Variants in KSR2 observed in about 807,000 individuals in gnomAD.
The protein encoded by KSR2 is kinase suppressor of ras 2.
KSR2 carries 25 observed loss-of-function variants against 107.8 expected under a neutral mutation model. That is an observed-to-expected ratio of 0.23 (90% confidence interval 0.17 to 0.32). The LOEUF (loss-of-function observed/expected upper bound fraction) is 0.32. KSR2 is among the 10% of genes least tolerant of loss of function. The probability of loss-of-function intolerance (pLI) is 1.00; values close to 1 mark genes in which losing one functional copy is unlikely to be tolerated. For missense variants in KSR2, 887 were observed against 1,268.9 expected (o/e 0.70, Z 4.57); for synonymous variants, 480 against 507.0 (o/e 0.95, Z 0.71).
intron 5 of KSR2, among the ~76,000 whole-genome samples, chr12:117,638,917 A>G (rs1883229932): frequency 6.6e-6 from 1 of 151,342 alleles, no homozygotes; most frequent in African/African-American, 2.4e-5. Context: ...AAAAATCAAA[A>G]TGAATGCCCC....
At chr12:117,555,726 C>T (rs1413226858) in intron 8 of KSR2, among the ~76,000 whole-genome samples, 4 of 152,178 alleles carry the variant, frequency 2.6e-5, no homozygotes, top group African/African-American at 9.7e-5. Flanking sequence ...AAGCAGCCTG[C>T]CGCACATTGA....
rs1370575519 is a variant in KSR2, at chr12:117,907,749, C to A, written c.181-47318G>T. ...GCTTTCCAGAAGTATCTGAAGGGGG[C>A]AATTGTAACCACGTCAATTTTTTTA... On this transcript the variant is annotated intron_variant, in intron 1 of 19. Coordinates refer to ENST00000339824, the MANE Select transcript of KSR2 (RefSeq NM_173598.6). The surrounding 1 kb of genome is among the most constrained non-coding windows in gnomAD (Gnocchi z 4.3). Among the ~76,000 whole-genome samples, 1 of 152,034 alleles carries A rather than the reference C, an allele frequency of 6.6e-6. No homozygotes were observed. Among genetic ancestry groups the A allele is most frequent in the Non-Finnish European group, 1.5e-5 (1 of 67,996 alleles).
At chr12:117,957,424 T>C (rs944925715) in intron 1 of KSR2, among the ~76,000 whole-genome samples, 2 of 152,134 alleles carry the variant, frequency 1.3e-5, no homozygotes, top group African/African-American at 2.4e-5. Context: ...TCCCTTCCCA[T>C]CTTTCAGCTT....
At chr12:117,649,180 G>A (rs1398867687) in intron 5 of KSR2, among the ~76,000 whole-genome samples, 1 of 152,128 alleles carries the variant, frequency 6.6e-6, no homozygotes, top group Non-Finnish European at 1.5e-5. Context: ...AGGGGTAACA[G>A]CCCTGGAAGG....
intron 8 of KSR2, among the ~76,000 whole-genome samples, chr12:117,555,782 T>G (rs1877648925): frequency 6.6e-6 from 1 of 152,234 alleles, no homozygotes; most frequent in South Asian, 2.1e-4. Context: ...GAAAGACAGC[T>G]GTTCTAGGAA....
At chr12:117,582,497 G>T in intron 5 of KSR2, 138 bp from the exon 6 acceptor site, 1 of 679,400 alleles carries the variant, frequency 1.5e-6, no homozygotes, top group Non-Finnish European at 2.6e-6. Context: ...CCAAAGCCAA[G>T]TGGAACACTG....
chr12:117,905,392 G>A (rs902011236), intron 1 of KSR2, among the ~76,000 whole-genome samples: 6 of 152,188 alleles, frequency 3.9e-5, no homozygotes, highest in African/African-American at 4.8e-5. Flanking sequence ...AAATAAGCAC[G>A]TAACTATTAA....
chr12:117,540,163 G>T (rs1252827166), intron 9 of KSR2, among the ~76,000 whole-genome samples: 2 of 152,110 alleles, frequency 1.3e-5, no homozygotes, highest in Non-Finnish European at 2.9e-5. Flanking sequence ...ACAGGTGACA[G>T]TCACTCACCC....
intron 3 of KSR2, among the ~76,000 whole-genome samples, chr12:117,822,572 T>C (rs1891603150): frequency 2.0e-5 from 3 of 152,246 alleles, no homozygotes; most frequent in South Asian, 4.1e-4. Context: ...ACACTTTCCA[T>C]TGACTGGAAG....
chr12:117,591,711 TAA>T (rs562589540), intron 5 of KSR2, among the ~76,000 whole-genome samples: 10 of 142,694 alleles, frequency 7.0e-5, no homozygotes, highest in Admixed American at 2.1e-4. Context: ...CACCCCTGCT[TAA>T]AAAAAAAAAA....
At chr12:117,822,330 C>A (rs1052938724) in intron 3 of KSR2, among the ~76,000 whole-genome samples, 1 of 152,130 alleles carries the variant, frequency 6.6e-6, no homozygotes, top group Admixed American at 6.6e-5. Context: ...CTTTCTTGCA[C>A]GAGATGCGTG....
chr12:117,776,718 G>A (rs989642353), intron 3 of KSR2, among the ~76,000 whole-genome samples: 2 of 151,910 alleles, frequency 1.3e-5, no homozygotes, highest in Admixed American at 6.6e-5. Context: ...CAGGATTCCC[G>A]GGTTCCACGG....
chr12:117,553,967 C>T (rs1038613785), intron 9 of KSR2, among the ~76,000 whole-genome samples: 2 of 152,176 alleles, frequency 1.3e-5, no homozygotes, highest in African/African-American at 2.4e-5. Context: ...GAAGCAGATG[C>T]TGGTGTCAGG....
rs77011611 is a variant in KSR2, at chr12:117,563,903, T to C, written c.1326-5330A>G. ...CTTAACTCTCTGTCTCACTTCCCCA[T>C]TCCTCTATTGGTGTGGCCTGGGATC... On this transcript the variant is annotated intron_variant, in intron 7 of 19. Coordinates refer to ENST00000339824, the MANE Select transcript of KSR2 (RefSeq NM_173598.6). Among the ~76,000 whole-genome samples, 859 of 152,236 alleles carry C rather than the reference T, an allele frequency of 5.6e-3. 6 individuals carry two copies. The highest frequency in any genetic ancestry group is 0.019 in the African/African-American group (797 of 41,526).
intron 5 of KSR2, among the ~76,000 whole-genome samples, chr12:117,587,432 A>C (rs1006624341): frequency 1.3e-5 from 2 of 152,124 alleles, no homozygotes; most frequent in Non-Finnish European, 2.9e-5. Context: ...CAGCCAAGGC[A>C]CATAACTAGA....
chr12:117,661,342 A>C (rs80033785), intron 5 of KSR2, among the ~76,000 whole-genome samples: 4,219 of 152,248 alleles, frequency 0.028, 183 homozygotes, highest in East Asian at 0.23. Flanking sequence ...GAAAGTACTG[A>C]CTCAATGTCA....
chr12:117,853,807 G>A (rs1893004485), intron 3 of KSR2, among the ~76,000 whole-genome samples: 1 of 152,168 alleles, frequency 6.6e-6, no homozygotes, highest in African/African-American at 2.4e-5. Context: ...TAGAGGTAAA[G>A]AGTAACATGA....
chr12:117,665,133 T>A lies in KSR2; in HGVS notation c.1171+2341A>T, dbSNP rs576487378. On this transcript the variant is annotated intron_variant, in intron 5 of 19. Transcript: ENST00000339824. ...TCTTTCCGGGAGCTCAGAGAGCAAC[T>A]TTTTTGAAGAACCAAGACTGTCCAA... Among the ~76,000 whole-genome samples, 8 of 152,272 alleles carry A rather than the reference T, an allele frequency of 5.3e-5. No individual in the cohort carries two copies. In the South Asian group the frequency reaches 1.7e-3, roughly 32 times the overall value.
chr12:117,477,796 T>A (rs7133455), intron 16 of KSR2, among the ~76,000 whole-genome samples: 21,019 of 152,248 alleles, frequency 0.14, 1,674 homozygotes, highest in African/African-American at 0.23. Context: ...CTCCTTGCTG[T>A]TGGGCCTTGG....
Sources: allele counts gnomAD v4.1 joint callset (sites outside exome capture counted in the v4.1 genomes callset), GRCh38; gene constraint gnomAD v4.1.1; non-coding constraint Gnocchi (gnomAD v3.1); transcripts MANE v1.5; gene names NCBI Gene and HGNC (gene_info 2026-07-23, HGNC 2026-07-21).